Variants in EYA1 observed in about 807,000 individuals in gnomAD.
EYA1 encodes EYA transcriptional coactivator and phosphatase 1.
In EYA1, 16 loss-of-function variants were observed where a neutral mutation model predicts 82.0. That is an observed-to-expected ratio of 0.20 (90% CI 0.13 to 0.30). The LOEUF is 0.30. EYA1 is among the 10% of genes least tolerant of loss of function. EYA1 has a pLI of 1.00. For missense variants in EYA1, 633 were observed against 730.7 expected (o/e 0.87, Z 1.54); for synonymous variants, 261 against 264.4 (o/e 0.99, Z 0.12).
At chr8:71,511,779 A>C (rs1331217838) in intron 2 of EYA1, among the ~76,000 whole-genome samples, 1 of 152,224 alleles carries the variant, frequency 6.6e-6, no homozygotes, top group Admixed American at 6.5e-5. Context: ...GATTGAATAA[A>C]AATTTGGAGA....
At chr8:71,462,906 T>C (rs944758570) in intron 2 of EYA1, among the ~76,000 whole-genome samples, 1 of 152,196 alleles carries the variant, frequency 6.6e-6, no homozygotes, top group African/African-American at 2.4e-5. Context: ...GCCAGCGTGA[T>C]GGCAGCAGCT....
chr8:71,530,234 A>G (rs1385434916), intron 2 of EYA1, among the ~76,000 whole-genome samples: 1 of 152,170 alleles, frequency 6.6e-6, no homozygotes, highest in African/African-American at 2.4e-5. Context: ...GCAGAGATTG[A>G]AGTGCTGCAG....
intron 2 of EYA1, among the ~76,000 whole-genome samples, chr8:71,433,350 A>G (rs908332175): frequency 1.3e-5 from 2 of 152,322 alleles, no homozygotes; most frequent in Non-Finnish European, 2.9e-5. Context: ...AGTATCCGGA[A>G]TTTACTAAAG....
chr8:71,497,495 G>T (rs193040722), intron 2 of EYA1, among the ~76,000 whole-genome samples: 2 of 152,252 alleles, frequency 1.3e-5, no homozygotes, highest in East Asian at 3.9e-4. Context: ...AATCATCAGG[G>T]AAATGCAAAT....
chr8:71,451,798 G>A (rs949680973), intron 2 of EYA1, among the ~76,000 whole-genome samples: 4 of 152,212 alleles, frequency 2.6e-5, no homozygotes, highest in Admixed American at 1.3e-4. Flanking sequence ...GTGGTTCCAA[G>A]ATGGCCAACT....
At position 71,412,430 on chromosome 8, in the gene EYA1, A is replaced by AT. The variant is rs935130505; in HGVS notation, c.34-55920_34-55919insA. ...AAAAAATAAAATAAAATAAAATAAA[A>AT]AAAAGAAATTGTTGTTCATTTATCT... On this transcript the variant is annotated intron_variant, in intron 2 of 18. Transcript: ENST00000643681. Among the ~76,000 whole-genome samples the AT allele has an allele frequency of 1.4e-3, 202 of 148,250 alleles. 1 individual carries two copies. The highest frequency in any genetic ancestry group is 1.5e-3 in the Non-Finnish European group (99 of 66,226).
intron 16 of EYA1, among the ~76,000 whole-genome samples, chr8:71,213,998 A>G (rs542009323): frequency 6.6e-6 from 1 of 152,348 alleles, no homozygotes; most frequent in South Asian, 2.1e-4. Flanking sequence ...AAGTCATACT[A>G]TGAACAAATA....
chr8:71,325,091 C>T (rs1357061982), intron 4 of EYA1, among the ~76,000 whole-genome samples: 1 of 152,202 alleles, frequency 6.6e-6, no homozygotes, highest in African/African-American at 2.4e-5. Context: ...ATTCCAAATT[C>T]CTTGGCACAG....
intron 4 of EYA1, among the ~76,000 whole-genome samples, chr8:71,330,412 C>T (rs1243388317): frequency 6.6e-6 from 1 of 152,182 alleles, no homozygotes; most frequent in African/African-American, 2.4e-5. Flanking sequence ...TACCTCTAAC[C>T]TCTGCCTCTG....
In EYA1 at chr8:71,279,661, G is replaced by A. The variant is rs577391187; in HGVS notation, c.827-7764C>T. Among the ~76,000 whole-genome samples the A allele has an allele frequency of 1.7e-3, 255 of 152,300 alleles. 1 individual carries two copies. The highest frequency in any genetic ancestry group is 2.5e-3 in the Non-Finnish European group (168 of 68,020). The stretch of plus-strand genomic sequence containing the variant: ...GTGAGTGGGATTGACCCTTACTCCA[G>A]GGATGGACAAGGTAAACAAAGAAAT... On this transcript the variant is annotated intron_variant, in intron 9 of 17. Transcript: ENST00000340726.
intron 3 of EYA1, among the ~76,000 whole-genome samples, chr8:71,338,136 G>A (rs969689054): frequency 2.0e-5 from 3 of 151,522 alleles, no homozygotes; most frequent in Admixed American, 6.6e-5. Flanking sequence ...TTAAAGTTAA[G>A]CTTCCCCTTT....
chr8:71,308,630 CT>C (rs1820989632), intron 7 of EYA1, among the ~76,000 whole-genome samples: 1 of 150,690 alleles, frequency 6.6e-6, no homozygotes, highest in Non-Finnish European at 1.5e-5. Context: ...TTAAACATTA[CT>C]TAAAATATTA....
chr8:71,336,948 G>C (rs1824560514), intron 3 of EYA1, among the ~76,000 whole-genome samples: 1 of 152,236 alleles, frequency 6.6e-6, no homozygotes, highest in Admixed American at 6.5e-5. Flanking sequence ...CAAAGAAACA[G>C]AGACTACTTC....
At chr8:71,373,754 A>G (rs1269053434) in intron 2 of EYA1, among the ~76,000 whole-genome samples, 1 of 152,134 alleles carries the variant, frequency 6.6e-6, no homozygotes, top group African/African-American at 2.4e-5. Flanking sequence ...CAAAGTTATA[A>G]TAATCAAAAG....
At chr8:71,444,167 G>A (rs545029492) in intron 2 of EYA1, among the ~76,000 whole-genome samples, 19 of 152,296 alleles carry the variant, frequency 1.2e-4, no homozygotes, top group African/African-American at 4.3e-4. Flanking sequence ...CTGCAACTTA[G>A]GTGACCAGTG....
At chr8:71,497,300 G>A (rs560880956) in intron 2 of EYA1, among the ~76,000 whole-genome samples, 9 of 152,296 alleles carry the variant, frequency 5.9e-5, no homozygotes, top group South Asian at 4.1e-4. Flanking sequence ...ATCCTGGGCC[G>A]CATGCAGCCC....
intron 2 of EYA1, among the ~76,000 whole-genome samples, chr8:71,463,632 T>C (rs12545500): frequency 0.095 from 3,038 of 32,132 alleles, 306 homozygotes; most frequent in East Asian, 0.46. Flanking sequence ...TCTCTCTCTC[T>C]CCCTCCCTCC....
chr8:71,375,023 G>T (rs1828291780), intron 2 of EYA1, among the ~76,000 whole-genome samples: 1 of 152,138 alleles, frequency 6.6e-6, no homozygotes, highest in Admixed American at 6.6e-5. Context: ...GGTGAAAAGT[G>T]TAGGTGAAAG....
intron 3 of EYA1, among the ~76,000 whole-genome samples, chr8:71,353,760 T>A (rs1226779592): frequency 2.6e-5 from 4 of 152,312 alleles, no homozygotes; most frequent in South Asian, 2.1e-4. Flanking sequence ...TTTATTTTTT[T>A]AAAAAATTGT....
Sources: allele counts gnomAD v4.1 joint callset (sites outside exome capture counted in the v4.1 genomes callset), GRCh38; gene constraint gnomAD v4.1.1; transcripts MANE v1.5; gene names NCBI Gene and HGNC (gene_info 2026-07-23, HGNC 2026-07-21).